The following MAP4K5 variants were observed in gnomAD, a reference collection of about 807,000 sequenced individuals.
The protein encoded by MAP4K5 is MAPK/ERK kinase kinase kinase 5.
A neutral mutation model predicts 135.6 loss-of-function variants in MAP4K5; 82 were observed. The observed-to-expected ratio is 0.60, with a 90% confidence interval of 0.51 to 0.73. The LOEUF (loss-of-function observed/expected upper bound fraction) is 0.73, where lower values mean the gene tolerates loss of function less well. MAP4K5 is among the 30% of genes least tolerant of loss of function. The pLI is 0.00. For synonymous variants in MAP4K5, 347 were observed against 335.0 expected (o/e 1.04, Z -0.39); for missense variants, 907 against 1,010.9 (o/e 0.90, Z 1.39).
At chr14:50,507,576 T>C (rs528477573) in intron 2 of MAP4K5, among the ~76,000 whole-genome samples, 1 of 152,354 alleles carries the variant, frequency 6.6e-6, no homozygotes, top group Non-Finnish European at 1.5e-5. Context: ...TCAAAGAACA[T>C]CTTTATTTCT....
chr14:50,492,097 AC>A (rs1181186031), intron 3 of MAP4K5, among the ~76,000 whole-genome samples: 1 of 152,122 alleles, frequency 6.6e-6, no homozygotes, highest in East Asian at 1.9e-4. Context: ...TTTTATGTCT[AC>A]TGTATTTCTA....
intron 3 of MAP4K5, among the ~76,000 whole-genome samples, chr14:50,497,314 A>G (rs2037615806): frequency 6.6e-6 from 1 of 152,226 alleles, no homozygotes; most frequent in Non-Finnish European, 1.5e-5. Context: ...ATTATTTAAA[A>G]CCAATAAAAT....
chr14:50,500,220 G>A lies in MAP4K5; in HGVS notation c.166+4580C>T, dbSNP rs922858696. 3.3e-5 allele frequency among the ~76,000 whole-genome samples: 5 copies of A among 152,252 alleles called. No homozygotes were observed. The East Asian group carries it at 9.7e-4, about 29-fold the overall frequency. On this transcript the variant is annotated intron_variant, in intron 3 of 32. Coordinates refer to ENST00000682126, the MANE Select transcript of MAP4K5 (RefSeq NM_006575.6). ...CTCATTGATCTTACATTCTAGGAGA[G>A]AGACAAACACAATATATACACGTAT...
At chr14:50,550,170 A>T (rs2038683960) in intron 1 of MAP4K5, among the ~76,000 whole-genome samples, 1 of 152,220 alleles carries the variant, frequency 6.6e-6, no homozygotes, top group Admixed American at 6.5e-5. Flanking sequence ...GAGTGGTCAT[A>T]GTGCAGATTG....
chr14:50,507,713 C>T (rs1394253009), intron 2 of MAP4K5, among the ~76,000 whole-genome samples: 1 of 152,114 alleles, frequency 6.6e-6, no homozygotes, highest in Non-Finnish European at 1.5e-5. Flanking sequence ...GTCTGAGAGA[C>T]AGTTTGTTAT....
At chr14:50,452,975 C>CA (rs2036523894) in intron 14 of MAP4K5, among the ~76,000 whole-genome samples, 1 of 152,184 alleles carries the variant, frequency 6.6e-6, no homozygotes, top group African/African-American at 2.4e-5. Flanking sequence ...CATTTCCCCC[C>CA]ACTTTTTGCT....
At position 50,445,151 on chromosome 14, in the gene MAP4K5, T is replaced by C; in HGVS notation, c.1229A>G (p.Glu410Gly). 1 of 1,613,592 alleles carries C rather than the reference T, an allele frequency of 6.2e-7. No individual in the cohort carries two copies. Among genetic ancestry groups the C allele is most frequent in the Non-Finnish European group, 8.5e-7 (1 of 1,179,662 alleles). ...SYPEDNFPDE[E>G]KASTIKHCPD... ...ACAATGTTTTATGGTTGATGCTTTT[T>C]CTTCATCCGGAAAGTTGTCTTCAGG... Residue 410 changes from glutamate to glycine, a missense_variant, in exon 18 of 33, where the codon GAA becomes GGA. Physicochemically the swap from Glu to Gly is moderately conservative, Grantham distance 98 (BLOSUM62 -2). This residue lies in a region of MAP4K5 where 690 missense variants were observed against 777.4 expected (regional missense o/e 0.89). Transcript: ENST00000682126.
At chr14:50,426,347 G>A (rs2035846634) in intron 30 of MAP4K5, among the ~76,000 whole-genome samples, 3 of 152,078 alleles carry the variant, frequency 2.0e-5, no homozygotes, top group Admixed American at 2.0e-4. Flanking sequence ...AAGCATTGTT[G>A]TTTAAATACT....
chr14:50,467,886 T>G lies in MAP4K5; in HGVS notation c.674+765A>C, dbSNP rs528744105. On this transcript the variant is annotated intron_variant, in intron 10 of 32. Coordinates refer to ENST00000682126, the MANE Select transcript of MAP4K5 (RefSeq NM_006575.6). ...CTATTTTTTGCTTGTAGTCTTTGAA[T>G]GATTTCCTTATATAGTATATATCAA... Among the ~76,000 whole-genome samples, 3 of 152,264 alleles carry G rather than the reference T, an allele frequency of 2.0e-5. No individual in the cohort carries two copies. The East Asian group carries it at 5.8e-4, about 29-fold the overall frequency.
chr14:50,460,609 A>T (rs1161521623), intron 13 of MAP4K5, among the ~76,000 whole-genome samples: 1 of 152,234 alleles, frequency 6.6e-6, no homozygotes, highest in East Asian at 1.9e-4. Flanking sequence ...TCAAGTAGAA[A>T]ACAATTTTGT....
chr14:50,499,626 C>T (rs1028041847), intron 3 of MAP4K5, among the ~76,000 whole-genome samples: 1 of 151,544 alleles, frequency 6.6e-6, no homozygotes, highest in Non-Finnish European at 1.5e-5. Flanking sequence ...CCACTGCACT[C>T]CAGCCTGGGC....
intron 6 of MAP4K5, among the ~76,000 whole-genome samples, chr14:50,481,512 A>G (rs1373063317): frequency 6.6e-6 from 1 of 152,176 alleles, no homozygotes; most frequent in East Asian, 1.9e-4. Flanking sequence ...CAATATAGGA[A>G]ATTTAGGGAT....
intron 17 of MAP4K5, 45 bp downstream of exon 17, chr14:50,446,034 T>C (rs772475838): frequency 4.0e-6 from 5 of 1,249,184 alleles, no homozygotes; most frequent in Non-Finnish European, 5.4e-6. Context: ...TTTAACTATA[T>C]TATTTAAATA....
chr14:50,500,471 G>A (rs1302138959), intron 3 of MAP4K5, among the ~76,000 whole-genome samples: 1 of 152,208 alleles, frequency 6.6e-6, no homozygotes, highest in African/African-American at 2.4e-5. Context: ...AGGCATAGTA[G>A]AGTAGGCAGA....
chr14:50,462,819 T>C (rs1022977826), intron 12 of MAP4K5, 38 bp from the exon 13 acceptor site: 2 of 1,170,448 alleles, frequency 1.7e-6, no homozygotes, highest in African/African-American at 3.0e-5. Context: ...GAGTATGCCT[T>C]TACATCTATG....
rs1251695707 is a variant in MAP4K5 at position 50,468,157 on chromosome 14, T to A, written c.674+494A>T. ...AAATAAAAAGAAACAAAATCAAATA[T>A]AACTAGAAAAGTTTCATCTGCATTC... is the stretch of plus-strand genomic sequence containing the variant. On this transcript the variant is annotated intron_variant, in intron 10 of 32. Coordinates refer to ENST00000682126, the MANE Select transcript of MAP4K5 (RefSeq NM_006575.6). 2.0e-5 allele frequency among the ~76,000 whole-genome samples: 3 copies of A among 152,054 alleles called. No homozygotes were observed. The East Asian group carries it at 5.8e-4, about 29-fold the overall frequency.
At position 50,475,070 on chromosome 14, in the gene MAP4K5, G is replaced by A. The variant is rs1416608258; in HGVS notation, c.542+7C>T. The A allele has an allele frequency of 3.1e-6, 5 of 1,608,938 alleles. No homozygotes were observed. Among genetic ancestry groups the A allele is most frequent in the African/African-American group, 1.3e-5 (1 of 74,948 alleles). ...ATGGATCAAATTCAATCACAGTAAT[G>A]TCTTACCAGTAAGGGGTGCCAATGA... On this transcript the variant is annotated splice_region_variant and intron_variant, in intron 9 of 32. Coordinates refer to ENST00000682126, the MANE Select transcript of MAP4K5 (RefSeq NM_006575.6).
rs764356076 is a variant in MAP4K5, at chr14:50,437,954, T to C, written c.1763A>G (p.Lys588Arg). 7 of 1,612,680 alleles carry C rather than the reference T, an allele frequency of 4.3e-6. No individual in the cohort carries two copies. The highest frequency in any genetic ancestry group is 4.5e-5 in the East Asian group (2 of 44,832). Residue 588 changes from lysine (K) to arginine (R), a missense_variant, in exon 25 of 33, where the codon AAA (lysine) becomes AGA (arginine). Physicochemically the swap from Lys to Arg is conservative, Grantham distance 26. Coordinates refer to ENST00000682126, the MANE Select transcript of MAP4K5 (RefSeq NM_006575.6). ...AATATGGGCAGCTAATCCTGGTTTT[T>C]TGGCATGTTCAAACAAAGCTATAAG... Reference protein sequence around the residue: ...HNLIALFEHAKKPGLAAHIQT... With the variant: ...HNLIALFEHARKPGLAAHIQT...
rs2037269561 is a variant in MAP4K5, at chr14:50,482,555, G to A, written c.323-139C>T. ...GCACTTTGGGAGGCCAAGGCAGGCG[G>A]ATCACGAGGTCAAGAGCTCGAGACT... is the stretch of plus-strand genomic sequence containing the variant. On this transcript the variant is annotated intron_variant, in intron 5 of 32. Coordinates refer to ENST00000682126, the MANE Select transcript of MAP4K5 (RefSeq NM_006575.6). The A allele has an allele frequency of 1.8e-5, 10 of 554,468 alleles. 1 individual carries two copies. The South Asian group carries it at 2.1e-4, about 11-fold the overall frequency. The allele number at this position is 554,468 out of a possible 1,614,324, so 34.3% of individuals were successfully genotyped here.
Sources: allele counts gnomAD v4.1 joint callset (sites outside exome capture counted in the v4.1 genomes callset), GRCh38; gene constraint gnomAD v4.1.1; regional missense constraint gnomAD v4.1.1; transcripts MANE v1.5; gene names NCBI Gene and HGNC (gene_info 2026-07-23, HGNC 2026-07-21).